Variants in PAG1 observed in about 807,000 individuals in gnomAD.
PAG1 encodes the protein phosphoprotein associated with glycosphingolipid-enriched microdomains 1.
Under a neutral mutation model 31.7 loss-of-function variants are expected in PAG1, and 23 were observed. That is an observed-to-expected ratio of 0.73 (90% CI 0.52 to 1.03). The LOEUF (loss-of-function observed/expected upper bound fraction) is 1.03, where lower values mean the gene tolerates loss of function less well. Ranked by LOEUF, PAG1 falls within the 50% of genes least tolerant of loss-of-function variation. The probability of loss-of-function intolerance (pLI) is 0.00; values close to 1 mark genes in which losing one functional copy is unlikely to be tolerated. For synonymous variants in PAG1, 214 were observed against 210.3 expected (o/e 1.02, Z -0.15); for missense variants, 473 against 540.7 (o/e 0.87, Z 1.24).
intron 3 of PAG1, among the ~76,000 whole-genome samples, chr8:81,002,293 A>G (rs933081492): frequency 2.0e-5 from 3 of 152,160 alleles, no homozygotes; most frequent in Non-Finnish European, 2.9e-5. Flanking sequence ...GTACCACTTG[A>G]CACAAATGCC....
At chr8:81,107,560 C>CGA (rs1424348973) in intron 1 of PAG1, among the ~76,000 whole-genome samples, 2 of 152,166 alleles carry the variant, frequency 1.3e-5, no homozygotes, top group Admixed American at 6.5e-5. Context: ...CCTCAGTTGT[C>CGA]ACTTCCACAA....
rs2130255396 is a variant in PAG1 at position 80,969,656 on chromosome 8, C to A, written c.*6888G>T. 1 of 152,220 alleles carries A rather than the reference C, an allele frequency of 6.6e-6. No individual in the cohort carries two copies. Among genetic ancestry groups the A allele is most frequent in the South Asian group, 2.1e-4 (1 of 4,824 alleles). 9.4% of individuals were successfully genotyped at this position (152,220 alleles called of 1,614,324 possible). A position where few individuals can be genotyped will look rare whatever the true frequency, so the allele number is the denominator to read the frequency against. ...GTGCCTAACAGGTATACTAGGGGAA[C>A]TTTAAAAAACTAAATGTATAAAGAG... is the stretch of plus-strand genomic sequence containing the variant. On this transcript the variant is annotated 3_prime_UTR_variant, in exon 9 of 9. Transcript: ENST00000220597.
At chr8:81,003,396 T>C (rs1193933582) in intron 3 of PAG1, among the ~76,000 whole-genome samples, 1 of 152,212 alleles carries the variant, frequency 6.6e-6, no homozygotes, top group Non-Finnish European at 1.5e-5. Context: ...GCCGGATCCC[T>C]GGAGCTGGAA....
At chr8:81,088,970 A>G (rs1376524384) in intron 1 of PAG1, among the ~76,000 whole-genome samples, 1 of 152,194 alleles carries the variant, frequency 6.6e-6, no homozygotes. Flanking sequence ...CTTATTGTTC[A>G]CTGCTGTAAT....
intron 1 of PAG1, among the ~76,000 whole-genome samples, chr8:81,109,465 G>A (rs1041459216): frequency 6.6e-6 from 1 of 152,166 alleles, no homozygotes; most frequent in Non-Finnish European, 1.5e-5. Flanking sequence ...TTACCTCAAA[G>A]GACTGTGGTG....
chr8:81,090,969 A>C (rs1207178543), intron 1 of PAG1, among the ~76,000 whole-genome samples: 2 of 152,216 alleles, frequency 1.3e-5, no homozygotes, highest in African/African-American at 4.8e-5. Flanking sequence ...GGTGGAAAAT[A>C]TTGATAATAT....
chr8:81,023,453 G>A (rs1808221929), intron 3 of PAG1, among the ~76,000 whole-genome samples: 2 of 152,006 alleles, frequency 1.3e-5, no homozygotes, highest in African/African-American at 4.8e-5. Context: ...TAATCAACCT[G>A]CAATAATTTT....
At chr8:81,072,143 T>C (rs1438629295) in intron 1 of PAG1, among the ~76,000 whole-genome samples, 1 of 152,010 alleles carries the variant, frequency 6.6e-6, no homozygotes, top group Non-Finnish European at 1.5e-5. Flanking sequence ...TGCTAGTGAG[T>C]ATATCTAATA....
At chr8:80,992,380 G>A (rs1392164368) in intron 4 of PAG1, among the ~76,000 whole-genome samples, 2 of 152,234 alleles carry the variant, frequency 1.3e-5, no homozygotes, top group Non-Finnish European at 2.9e-5. Context: ...TGGAGGGAGA[G>A]TTTGGACAGG....
chr8:81,104,624 TATTC>T (rs1809663003), intron 1 of PAG1, among the ~76,000 whole-genome samples: 2 of 152,146 alleles, frequency 1.3e-5, no homozygotes, highest in Non-Finnish European at 2.9e-5. Context: ...CCATCCTCTG[TATTC>T]ATTATCATCT....
intron 3 of PAG1, among the ~76,000 whole-genome samples, chr8:81,017,769 A>C (rs1193353106): frequency 6.6e-6 from 1 of 152,118 alleles, no homozygotes; most frequent in Non-Finnish European, 1.5e-5. Flanking sequence ...TATTCAAAGG[A>C]CCTTGGGAGC....
At chr8:81,098,776 C>T (rs1045009031) in intron 1 of PAG1, among the ~76,000 whole-genome samples, 2 of 152,088 alleles carry the variant, frequency 1.3e-5, no homozygotes, top group Non-Finnish European at 2.9e-5. Flanking sequence ...GGCATTTTGT[C>T]AAGTCTGATG....
intron 1 of PAG1, among the ~76,000 whole-genome samples, chr8:81,097,448 A>C (rs1230281123): frequency 1.3e-5 from 2 of 152,224 alleles, no homozygotes; most frequent in Non-Finnish European, 2.9e-5. Flanking sequence ...TGCAGTACCA[A>C]GGCAGGACAA....
intron 7 of PAG1, among the ~76,000 whole-genome samples, chr8:80,982,814 C>T (rs575054811): frequency 3.9e-5 from 6 of 152,298 alleles, no homozygotes; most frequent in Admixed American, 3.3e-4. Flanking sequence ...TCTCACTAAG[C>T]GTAGGATCCA....
At chr8:81,073,664 T>C (rs879802453) in intron 1 of PAG1, among the ~76,000 whole-genome samples, 1 of 152,216 alleles carries the variant, frequency 6.6e-6, no homozygotes, top group African/African-American at 2.4e-5. Context: ...AATGTCCATA[T>C]GTCAGCCACT....
intron 1 of PAG1, among the ~76,000 whole-genome samples, chr8:81,076,076 A>G (rs1413551982): frequency 6.6e-6 from 1 of 152,170 alleles, no homozygotes; most frequent in East Asian, 1.9e-4. Flanking sequence ...CCTGAACACA[A>G]TCTCTGTTGG....
chr8:81,079,913 C>T (rs534188554), intron 1 of PAG1, among the ~76,000 whole-genome samples: 1 of 151,914 alleles, frequency 6.6e-6, no homozygotes, highest in African/African-American at 2.4e-5. Flanking sequence ...GGACTAAAGG[C>T]ACATACCCCC....
At chr8:81,008,199 G>C (rs928466655) in intron 3 of PAG1, among the ~76,000 whole-genome samples, 1 of 152,098 alleles carries the variant, frequency 6.6e-6, no homozygotes, top group African/African-American at 2.4e-5. Flanking sequence ...CCATAAACAA[G>C]AATAATTCAG....
At chr8:81,107,095 T>C (rs904939084) in intron 1 of PAG1, among the ~76,000 whole-genome samples, 7 of 152,162 alleles carry the variant, frequency 4.6e-5, no homozygotes, top group Admixed American at 3.9e-4. Flanking sequence ...TAAACACAGA[T>C]AAAGTTAACA....
Sources: allele counts gnomAD v4.1 joint callset (sites outside exome capture counted in the v4.1 genomes callset), GRCh38; gene constraint gnomAD v4.1.1; transcripts MANE v1.5; gene names NCBI Gene and HGNC (gene_info 2026-07-23, HGNC 2026-07-21).